RIT2: variants seen among roughly 807,000 people sequenced by gnomAD.
The protein encoded by RIT2 is GTP-binding protein Rit2.
In RIT2, 24 loss-of-function variants were observed where a neutral mutation model predicts 23.7. That is an observed-to-expected ratio of 1.01 (90% CI 0.73 to 1.43). The LOEUF (loss-of-function observed/expected upper bound fraction) is 1.43. Ranked by LOEUF, RIT2 falls within the 40% of genes most tolerant of loss-of-function variation. RIT2 has a pLI of 0.00. For synonymous variants in RIT2, 107 were observed against 91.1 expected (o/e 1.17, Z -0.99); for missense variants, 236 against 266.9 (o/e 0.88, Z 0.81).
At chr18:43,110,240 C>CATAT (rs56074528) in intron 1 of RIT2, among the ~76,000 whole-genome samples, 15 of 150,732 alleles carry the variant, frequency 1.0e-4, no homozygotes, top group Middle Eastern at 3.4e-3. Flanking sequence ...TCCTTAACTC[C>CATAT]ATATATATAT....
chr18:42,825,518 T>C (rs1906270952), intron 4 of RIT2, among the ~76,000 whole-genome samples: 1 of 151,896 alleles, frequency 6.6e-6, no homozygotes, highest in African/African-American at 2.4e-5. Context: ...CTAAAACATA[T>C]TTGATTAAAA....
At chr18:43,022,413 A>C (rs1911618032) in intron 2 of RIT2, among the ~76,000 whole-genome samples, 1 of 152,136 alleles carries the variant, frequency 6.6e-6, no homozygotes, top group African/African-American at 2.4e-5. Context: ...ACTACAGTTA[A>C]TAATGAATTG....
chr18:43,014,631 A>C (rs1486171237), intron 2 of RIT2, among the ~76,000 whole-genome samples: 1 of 136,880 alleles, frequency 7.3e-6, no homozygotes, highest in Non-Finnish European at 1.6e-5. Context: ...TAAATACATA[A>C]ATTTTCTCCA....
At chr18:43,066,831 G>T (rs1369630903) in intron 1 of RIT2, among the ~76,000 whole-genome samples, 1 of 151,746 alleles carries the variant, frequency 6.6e-6, no homozygotes, top group Admixed American at 6.6e-5. Context: ...AGAAAGGACA[G>T]CATGGATCAA....
intron 4 of RIT2, among the ~76,000 whole-genome samples, chr18:42,847,943 T>A (rs1906952903): frequency 6.6e-6 from 1 of 150,812 alleles, no homozygotes. Flanking sequence ...AAATCTAATT[T>A]ATAATGAATT....
chr18:42,938,588 T>C (rs184095172), intron 3 of RIT2, among the ~76,000 whole-genome samples: 2 of 152,244 alleles, frequency 1.3e-5, no homozygotes, highest in Admixed American at 6.5e-5. Context: ...TAATTTTACT[T>C]CCAAAATAGC....
At chr18:43,044,562 A>G (rs1912203378) in intron 1 of RIT2, among the ~76,000 whole-genome samples, 1 of 152,202 alleles carries the variant, frequency 6.6e-6, no homozygotes, top group Non-Finnish European at 1.5e-5. Flanking sequence ...CAGTTCAAAG[A>G]TGGGAAGGGA....
chr18:42,896,404 C>T (rs768788542), intron 4 of RIT2, among the ~76,000 whole-genome samples: 13 of 152,164 alleles, frequency 8.5e-5, no homozygotes, highest in Non-Finnish European at 1.9e-4. Flanking sequence ...TCTCAATGGC[C>T]ATTTTTTCAG....
intron 4 of RIT2, among the ~76,000 whole-genome samples, chr18:42,907,431 T>G (rs1347339167): frequency 6.6e-6 from 1 of 152,006 alleles, no homozygotes; most frequent in South Asian, 2.1e-4. Flanking sequence ...GTTGAAGGGG[T>G]TGAGCACAAT....
rs71175923 is a variant in RIT2 at position 42,780,047 on chromosome 18, G to GTTTTTTTT, written c.427-36335_427-36328dup. ...TGCCTAGTCAAGTCTCAATTTAGAG[G>GTTTTTTTT]TTTTTTTTTTTTTTTTTTTTTTTTT... On this transcript the variant is annotated intron_variant, in intron 4 of 4. Transcript: ENST00000326695. 1.0e-3 allele frequency among the ~76,000 whole-genome samples: 61 copies of GTTTTTTTT among 59,596 alleles called. 11 individuals carry two copies. Among genetic ancestry groups the GTTTTTTTT allele is most frequent in the Non-Finnish European group, 1.2e-3 (40 of 32,762 alleles). The allele number at this position is 59,596 out of a possible 152,430, so 39.1% of individuals were successfully genotyped here. A position where few individuals can be genotyped will look rare whatever the true frequency, so the allele number is the denominator to read the frequency against.
At chr18:42,876,168 C>T (rs2144070957) in intron 4 of RIT2, among the ~76,000 whole-genome samples, 1 of 151,998 alleles carries the variant, frequency 6.6e-6, no homozygotes, top group East Asian at 1.9e-4. Context: ...TAGTTCAGCA[C>T]TCTAACTTTT....
intron 3 of RIT2, among the ~76,000 whole-genome samples, chr18:42,930,016 TG>T (rs1296350513): frequency 2.0e-5 from 3 of 152,072 alleles, no homozygotes; most frequent in African/African-American, 7.2e-5. Context: ...GGTGACAGAC[TG>T]GGATAGGCCC....
At chr18:42,824,247 C>A (rs1431991097) in intron 4 of RIT2, among the ~76,000 whole-genome samples, 1 of 151,980 alleles carries the variant, frequency 6.6e-6, no homozygotes, top group Non-Finnish European at 1.5e-5. Flanking sequence ...TTGATAAATT[C>A]TCTTAGTTTA....
At chr18:42,792,288 G>A (rs1161384039) in intron 4 of RIT2, among the ~76,000 whole-genome samples, 7 of 152,100 alleles carry the variant, frequency 4.6e-5, no homozygotes. Flanking sequence ...ATGCACACCT[G>A]GAGCAAGAGT....
At chr18:43,055,218 A>C (rs1912472342) in intron 1 of RIT2, among the ~76,000 whole-genome samples, 1 of 152,136 alleles carries the variant, frequency 6.6e-6, no homozygotes, top group Non-Finnish European at 1.5e-5. Context: ...CAATCTCAAA[A>C]AATTGAGAAC....
At chr18:42,879,980 A>G (rs1173951783) in intron 4 of RIT2, among the ~76,000 whole-genome samples, 1 of 152,178 alleles carries the variant, frequency 6.6e-6, no homozygotes, top group Non-Finnish European at 1.5e-5. Flanking sequence ...CTGGGAGTTC[A>G]GTGAAAGAAG....
intron 2 of RIT2, among the ~76,000 whole-genome samples, chr18:43,026,573 T>TGA (rs1911724284): frequency 1.3e-5 from 1 of 77,358 alleles, no homozygotes; most frequent in Non-Finnish European, 2.8e-5. Flanking sequence ...AAGAAATAAA[T>TGA]AAGAAAGAAA....
chr18:42,786,526 A>C (rs538470371), intron 4 of RIT2, among the ~76,000 whole-genome samples: 351 of 152,332 alleles, frequency 2.3e-3, no homozygotes, highest in African/African-American at 7.6e-3. Flanking sequence ...ACTGAAATAC[A>C]AATGTATACT....
chr18:43,060,719 A>C (rs777327470), intron 1 of RIT2, among the ~76,000 whole-genome samples: 1 of 152,192 alleles, frequency 6.6e-6, no homozygotes, highest in African/African-American at 2.4e-5. Flanking sequence ...AAAATAAATT[A>C]GTAGATGAAC....
Sources: allele counts gnomAD v4.1 joint callset (sites outside exome capture counted in the v4.1 genomes callset), GRCh38; gene constraint gnomAD v4.1.1; transcripts MANE v1.5; gene names NCBI Gene and HGNC (gene_info 2026-07-23, HGNC 2026-07-21).